Variants in WASHC4 observed in about 807,000 individuals in gnomAD.
The protein encoded by WASHC4 is WASH complex subunit 4, also known as WASH complex subunit 7.
In WASHC4, 86 loss-of-function variants were observed where a neutral mutation model predicts 166.6. The ratio of observed to expected loss-of-function variants is 0.52; its 90% CI spans 0.43 to 0.62. WASHC4 has a LOEUF of 0.62. Among genes scored for constraint, WASHC4 ranks in the 20% least tolerant of loss-of-function variants. The pLI is 0.00. For synonymous variants in WASHC4, 446 were observed against 451.6 expected, an observed-to-expected ratio of 0.99 and a Z score of 0.16; for missense variants, 1,262 against 1,382.4, an observed-to-expected ratio of 0.91 and a Z score of 1.38.
intron 10 of WASHC4, among the ~76,000 whole-genome samples, chr12:105,124,470 A>G (rs1163914211): frequency 6.6e-6 from 1 of 150,744 alleles, no homozygotes; most frequent in Non-Finnish European, 1.5e-5. Context: ...CTCTAGGTTT[A>G]GGTTTTTTTT....
intron 32 of WASHC4, among the ~76,000 whole-genome samples, 191 bp from the exon 33 acceptor site, chr12:105,166,673 T>C (rs1448922522): frequency 2.0e-5 from 3 of 152,198 alleles, no homozygotes; most frequent in Non-Finnish European, 4.4e-5. Context: ...ACAATTGCAG[T>C]GTTTAGCCTA....
intron 20 of WASHC4, among the ~76,000 whole-genome samples, chr12:105,143,956 A>AT (rs34577662): frequency 0.18 from 26,654 of 150,004 alleles, 2,512 homozygotes; most frequent in East Asian, 0.25. Flanking sequence ...GAATTTTGTG[A>AT]TTTTTTTTTT....
intron 14 of WASHC4, among the ~76,000 whole-genome samples, chr12:105,134,385 C>T (rs973464209): frequency 2.0e-5 from 3 of 152,092 alleles, no homozygotes; most frequent in Non-Finnish European, 4.4e-5. Context: ...TTGTATATGA[C>T]AAGAGGGTCA....
chr12:105,120,574 G>A lies in WASHC4; in HGVS notation c.538G>A (p.Glu180Lys), dbSNP rs1880636894. The A allele has an allele frequency of 6.2e-7, 1 of 1,601,868 alleles. No homozygotes were observed. Among genetic ancestry groups the A allele is most frequent in the African/African-American group, 1.3e-5 (1 of 74,600 alleles). The part of the protein sequence containing the change: ...ISNKIAPKII[E>K]TTGVHFQTMY... ...TTATAGGATTGCACCCAAAATTATAGAGACAACTGGAGTTCATTTTCAGGT... is the reference window on the plus strand; with the variant it reads ...TTATAGGATTGCACCCAAAATTATAAAGACAACTGGAGTTCATTTTCAGGT... The change falls in exon 8 of 33, where the codon GAG (glutamate) becomes AAG (lysine). Residue 180 changes from glutamate to lysine, a missense_variant. Transcript: ENST00000332180.
intron 2 of WASHC4, among the ~76,000 whole-genome samples, chr12:105,112,519 C>A (rs1879794262): frequency 6.6e-6 from 1 of 152,130 alleles, no homozygotes; most frequent in South Asian, 2.1e-4. Context: ...TATGGCTATA[C>A]CATTTTACAT....
In WASHC4 at chr12:105,143,164, T is replaced by C; in HGVS notation, c.1931T>C (p.Met644Thr). The change falls in exon 20 of 33, where the codon ATG (methionine) becomes ACG (threonine). Residue 644 changes from methionine to threonine, a missense_variant. Coordinates refer to ENST00000332180, the MANE Select transcript of WASHC4 (RefSeq NM_015275.3). ...FSALRDCVPA[M>T]MHARHLESYE... ...GCTTTGCGCGACTGTGTACCTGCTA[T>C]GATGCATGCAAGGCATTTAGAGTCC... 6.2e-7 allele frequency: 1 copy of C among 1,611,728 alleles called. No homozygotes were observed. Among genetic ancestry groups the C allele is most frequent in the African/African-American group, 1.3e-5 (1 of 74,990 alleles).
At chr12:105,146,557 A>T (rs75901452) in intron 23 of WASHC4, 31 bp downstream of exon 23, 13 of 985,026 alleles carry the variant, frequency 1.3e-5, no homozygotes, top group African/African-American at 3.2e-5. Context: ...TTTTTTTTTT[A>T]ATGTAGGTGG....
intron 10 of WASHC4, among the ~76,000 whole-genome samples, chr12:105,125,327 A>T (rs1881181622): frequency 6.6e-6 from 1 of 152,202 alleles, no homozygotes; most frequent in African/African-American, 2.4e-5. Context: ...TAGAAATATT[A>T]AAAAAACTTG....
Position 105,114,120 on chromosome 12 carries a change from A to G in WASHC4, c.202-96A>G, listed in dbSNP as rs903960841. 45 of 1,088,348 alleles carry G rather than the reference A, an allele frequency of 4.1e-5. No individual in the cohort carries two copies. The South Asian group carries it at 6.0e-4, about 15-fold the overall frequency. 67.4% of individuals were successfully genotyped at this position (1,088,348 alleles called of 1,614,324 possible). A position where few individuals can be genotyped will look rare whatever the true frequency, so the allele number is the denominator to read the frequency against. On this transcript the variant is annotated intron_variant, in intron 2 of 32. Transcript: ENST00000332180. ...TAATGTTGAGTACAGGATCTAACAC[A>G]AGTTTAAGTCGAATAAAGCTAGCCT...
chr12:105,114,722 A>G (rs1880018940), intron 4 of WASHC4, among the ~76,000 whole-genome samples: 1 of 152,064 alleles, frequency 6.6e-6, no homozygotes, highest in South Asian at 2.1e-4. Context: ...GTTTGAATCT[A>G]GGTTTACAAA....
At chr12:105,153,634 C>T (rs907520691) in intron 26 of WASHC4, among the ~76,000 whole-genome samples, 5 of 152,130 alleles carry the variant, frequency 3.3e-5, no homozygotes, top group African/African-American at 4.8e-5. Context: ...ATATGACATA[C>T]GTACACAATT....
chr12:105,117,804 C>T (rs1880329788), intron 6 of WASHC4, among the ~76,000 whole-genome samples: 1 of 152,066 alleles, frequency 6.6e-6, no homozygotes, highest in Non-Finnish European at 1.5e-5. Context: ...CACACTGTTT[C>T]TATAGGTTTA....
intron 13 of WASHC4, among the ~76,000 whole-genome samples, chr12:105,129,131 A>C (rs1881559518): frequency 6.6e-6 from 1 of 152,034 alleles, no homozygotes; most frequent in Admixed American, 6.6e-5. Flanking sequence ...TTTTTAGTAG[A>C]GACTGGGTTT....
chr12:105,156,212 A>G (rs918064691), intron 26 of WASHC4, among the ~76,000 whole-genome samples: 9 of 152,226 alleles, frequency 5.9e-5, no homozygotes, highest in African/African-American at 1.7e-4. Flanking sequence ...AATTGGGGAT[A>G]AAGATCCTGA....
intron 10 of WASHC4, among the ~76,000 whole-genome samples, chr12:105,125,299 C>G (rs1025955759): frequency 2.0e-5 from 3 of 151,876 alleles, no homozygotes; most frequent in African/African-American, 7.3e-5. Context: ...AAAAAACTTG[C>G]AGACAAATGG....
At chr12:105,153,365 T>A (rs1883916338) in intron 26 of WASHC4, among the ~76,000 whole-genome samples, 1 of 152,212 alleles carries the variant, frequency 6.6e-6, no homozygotes, top group Admixed American at 6.5e-5. Flanking sequence ...AGCATTTCAT[T>A]CTGGAGTAAA....
chr12:105,111,272 T>G lies in WASHC4; in HGVS notation c.201+8T>G, dbSNP rs114844466. On this transcript the variant is annotated splice_region_variant and intron_variant, in intron 2 of 32. Transcript: ENST00000332180. ...GATCCTATAGCATTAAAGGTTTGAT[T>G]TGATTTTTTAAAAATATATGTATAT... 1,364 of 1,582,702 alleles carry G rather than the reference T, an allele frequency of 8.6e-4. 10 individuals carry two copies. In the African/African-American group the frequency reaches 0.016, roughly 18 times the overall value.
intron 24 of WASHC4, chr12:105,148,340 A>G (rs1303219758): frequency 2.0e-6 from 2 of 985,314 alleles, no homozygotes; most frequent in Middle Eastern, 5.2e-4. Flanking sequence ...CTTGACTTCT[A>G]TCATCTATCA....
chr12:105,160,175 A>ATT, intron 29 of WASHC4, 27 bp downstream of exon 29: 2 of 1,561,100 alleles, frequency 1.3e-6, no homozygotes, highest in Non-Finnish European at 1.8e-6. Flanking sequence ...CCTAAAATGA[A>ATT]TTTTTTTTTT....
Sources: gnomAD v4.1 joint callset for allele counts (sites outside exome capture counted in the v4.1 genomes callset) on GRCh38, gnomAD v4.1.1 for gene constraint, MANE v1.5 for transcripts, NCBI Gene and HGNC (gene_info 2026-07-23, HGNC 2026-07-21) for gene names.